Variants in CADM2 observed in about 807,000 individuals in gnomAD.
CADM2 encodes the protein cell adhesion molecule 2.
A neutral mutation model predicts 49.8 loss-of-function variants in CADM2; 12 were observed. The ratio of observed to expected loss-of-function variants is 0.24; its 90% confidence interval spans 0.15 to 0.39. The LOEUF (loss-of-function observed/expected upper bound fraction) is 0.39. Among genes scored for constraint, CADM2 ranks in the 10% least tolerant of loss-of-function variants. CADM2 has a pLI of 1.00. For synonymous variants in CADM2, 214 were observed against 175.4 expected (o/e 1.22, Z -1.74); for missense variants, 378 against 492.3 (o/e 0.77, Z 2.20).
At chr3:85,727,008 C>A (rs2067728289) in intron 2 of CADM2, among the ~76,000 whole-genome samples, 1 of 151,936 alleles carries the variant, frequency 6.6e-6, no homozygotes, top group Admixed American at 6.6e-5. Flanking sequence ...ATTATTTTTT[C>A]ATTTTTAGTT....
At chr3:85,090,325 A>G (rs1288922638) in intron 1 of CADM2, among the ~76,000 whole-genome samples, 5 of 152,112 alleles carry the variant, frequency 3.3e-5, no homozygotes, top group Non-Finnish European at 5.9e-5. Context: ...TTATATGTAT[A>G]CTATCTAATA....
intron 1 of CADM2, among the ~76,000 whole-genome samples, chr3:85,507,786 CAAAG>C (rs1210292748): frequency 6.6e-6 from 1 of 152,082 alleles, no homozygotes; most frequent in Non-Finnish European, 1.5e-5. Context: ...CAAAATGTAT[CAAAG>C]AAAGTTAATA....
intron 1 of CADM2, among the ~76,000 whole-genome samples, chr3:85,042,702 T>C (rs1329074871): frequency 6.6e-6 from 1 of 152,158 alleles, no homozygotes; most frequent in Non-Finnish European, 1.5e-5. Context: ...GCCAACTAGT[T>C]GAATAGCTGC....
intron 6 of CADM2, among the ~76,000 whole-genome samples, chr3:85,915,376 G>A (rs965261424): frequency 2.0e-5 from 3 of 152,024 alleles, no homozygotes; most frequent in Admixed American, 1.3e-4. Context: ...TATTTTCCTA[G>A]CATCTAGCAT....
At chr3:86,002,426 C>A (rs1468329091) in intron 8 of CADM2, among the ~76,000 whole-genome samples, 2 of 152,018 alleles carry the variant, frequency 1.3e-5, no homozygotes, top group Non-Finnish European at 1.5e-5. Context: ...CAATTTTATT[C>A]TTTCTTAATT....
rs144170225 is a variant in CADM2, at chr3:86,014,909, G to A, written c.971-50696G>A. 309 of 1,521,174 alleles carry A rather than the reference G, an allele frequency of 2.0e-4. No individual in the cohort carries two copies. The African/African-American group carries it at 3.9e-3, about 19-fold the overall frequency. 94.2% of individuals were successfully genotyped at this position (1,521,174 alleles called of 1,614,324 possible). A position where few individuals can be genotyped will look rare whatever the true frequency, so the allele number is the denominator to read the frequency against. Reference sequence around the variant, plus strand: ...TCCTGTGTATTCTTCCTGTGATGACGGTTGAGAATGAGTGGTATGAAAATG... The same window carrying A: ...TCCTGTGTATTCTTCCTGTGATGACAGTTGAGAATGAGTGGTATGAAAATG... On this transcript the variant is annotated intron_variant, in intron 8 of 9. Coordinates refer to ENST00000383699, the MANE Select transcript of CADM2 (RefSeq NM_001167675.2).
chr3:85,112,335 G>T (rs1575894396), intron 1 of CADM2, among the ~76,000 whole-genome samples: 1 of 148,902 alleles, frequency 6.7e-6, no homozygotes, highest in South Asian at 2.1e-4. Flanking sequence ...CCTCTTATTT[G>T]AAAATTCTGG....
At chr3:85,697,551 T>C (rs1330068635) in intron 1 of CADM2, among the ~76,000 whole-genome samples, 1 of 152,202 alleles carries the variant, frequency 6.6e-6, no homozygotes, top group Non-Finnish European at 1.5e-5. Flanking sequence ...AATATGTTTT[T>C]GTTGTACTTC....
At chr3:85,363,884 T>A (rs2107290051) in intron 1 of CADM2, among the ~76,000 whole-genome samples, 1 of 152,334 alleles carries the variant, frequency 6.6e-6, no homozygotes, top group East Asian at 1.9e-4. Context: ...GTGCTGGGAT[T>A]ACAGGCGTGA....
chr3:85,434,369 T>C (rs914002007), intron 1 of CADM2, among the ~76,000 whole-genome samples: 12 of 151,954 alleles, frequency 7.9e-5, no homozygotes, highest in African/African-American at 2.9e-4. Flanking sequence ...AAACATATAG[T>C]ACTTATTAAC....
At chr3:85,120,255 C>T (rs71558648) in intron 1 of CADM2, among the ~76,000 whole-genome samples, 1 of 152,236 alleles carries the variant, frequency 6.6e-6, no homozygotes, top group African/African-American at 2.4e-5. Flanking sequence ...CTAGTTCAAC[C>T]ATTGTGGAAG....
chr3:85,363,722 C>T (rs1021017232), intron 1 of CADM2, among the ~76,000 whole-genome samples: 2 of 152,334 alleles, frequency 1.3e-5, no homozygotes, highest in Non-Finnish European at 2.9e-5. Flanking sequence ...CGCCATTCTC[C>T]TGCCTCAGCC....
intron 1 of CADM2, among the ~76,000 whole-genome samples, chr3:85,103,858 G>A (rs1425426014): frequency 6.6e-6 from 1 of 152,264 alleles, no homozygotes; most frequent in South Asian, 2.1e-4. Flanking sequence ...GCGGAGGAAT[G>A]TAGTGGGCTA....
At position 85,046,785 on chromosome 3, in the gene CADM2, T is replaced by C. The variant is rs536744479; in HGVS notation, c.61+87117T>C. Among the ~76,000 whole-genome samples, 69 of 152,160 alleles carry C rather than the reference T, an allele frequency of 4.5e-4. No individual in the cohort carries two copies. The South Asian group carries it at 0.014, about 32-fold the overall frequency. On this transcript the variant is annotated intron_variant, in intron 1 of 9. Coordinates refer to ENST00000383699, the MANE Select transcript of CADM2 (RefSeq NM_001167675.2). ...TTTCCAAGGATTACCTCACAAAGCA[T>C]TAAATCATGAAAATATATATTTTTA...
At chr3:85,374,868 G>T (rs1023802781) in intron 1 of CADM2, among the ~76,000 whole-genome samples, 1 of 152,096 alleles carries the variant, frequency 6.6e-6, no homozygotes, top group Non-Finnish European at 1.5e-5. Flanking sequence ...GACACATGGG[G>T]ATTTGAGGAG....
chr3:85,013,874 T>C (rs929221251), intron 1 of CADM2, among the ~76,000 whole-genome samples: 3 of 147,332 alleles, frequency 2.0e-5, no homozygotes, highest in Non-Finnish European at 3.0e-5. Context: ...ATATTAATTA[T>C]AATTAATTAA....
intron 1 of CADM2, among the ~76,000 whole-genome samples, chr3:85,054,349 A>G (rs1189342299): frequency 2.6e-5 from 4 of 151,864 alleles, no homozygotes; most frequent in African/African-American, 4.8e-5. Context: ...GAAAAATATA[A>G]GGCTTATAGT....
intron 5 of CADM2, among the ~76,000 whole-genome samples, chr3:85,904,558 G>T (rs569899929): frequency 2.4e-4 from 37 of 152,230 alleles, no homozygotes; most frequent in African/African-American, 8.2e-4. Flanking sequence ...AGATTTGCTA[G>T]TTTTTTAAAA....
At chr3:85,595,349 A>T (rs768417057) in intron 1 of CADM2, among the ~76,000 whole-genome samples, 10 of 152,016 alleles carry the variant, frequency 6.6e-5, no homozygotes, top group Non-Finnish European at 1.5e-5. Flanking sequence ...ATGACTTCTG[A>T]TATTATCCAA....
Sources: allele counts gnomAD v4.1 joint callset (sites outside exome capture counted in the v4.1 genomes callset), GRCh38; gene constraint gnomAD v4.1.1; transcripts MANE v1.5; gene names NCBI Gene and HGNC (gene_info 2026-07-23, HGNC 2026-07-21).